Variants in FAM163A observed in about 807,000 individuals in gnomAD.
FAM163A encodes protein FAM163A.
A neutral mutation model predicts 12.0 loss-of-function variants in FAM163A; 7 were observed. The ratio of observed to expected loss-of-function variants is 0.58; its 90% CI spans 0.33 to 1.10. The LOEUF (loss-of-function observed/expected upper bound fraction) is 1.10, where lower values mean the gene tolerates loss of function less well. Ranked by LOEUF, FAM163A falls within the 50% of genes least tolerant of loss-of-function variation. The pLI is 0.03. For synonymous variants in FAM163A, 101 were observed against 91.0 expected (o/e 1.11, Z -0.62); for missense variants, 202 against 218.6 (o/e 0.92, Z 0.48).
At position 179,814,284 on chromosome 1, in the gene FAM163A, GTTTC is replaced by G; in HGVS notation, c.*97_*100del. On this transcript the variant is annotated 3_prime_UTR_variant, in exon 5 of 5. Transcript: ENST00000341785. ...ACCCTCCAACAGCCCCACATGGGTTGTTTCTGTTTCTTTGGCTTTTCTCGCTCCG... is the reference window on the plus strand; with the variant it reads ...ACCCTCCAACAGCCCCACATGGGTTGTGTTTCTTTGGCTTTTCTCGCTCCG... 1 of 1,459,520 alleles carries G rather than the reference GTTTC, an allele frequency of 6.9e-7. No homozygotes were observed. The highest frequency in any genetic ancestry group is 2.3e-5 in the Admixed American group (1 of 42,804). 90.4% of individuals were successfully genotyped at this position (1,459,520 alleles called of 1,614,324 possible).
At chr1:179,778,633 C>A (rs1689303740) in intron 1 of FAM163A, among the ~76,000 whole-genome samples, 1 of 152,096 alleles carries the variant, frequency 6.6e-6, no homozygotes, top group South Asian at 2.1e-4. Flanking sequence ...TAGTAGCATT[C>A]CAAGCAAGGG....
the FAM163A span, among the ~76,000 whole-genome samples, chr1:179,735,545 C>T: frequency 3.2e-5 from 4 of 123,472 alleles, no homozygotes; most frequent in Non-Finnish European, 6.3e-5. Context: ...GTTGTGTCGC[C>T]CAGGCTGGAG....
At chr1:179,805,603 G>A (rs73041607) in intron 1 of FAM163A, among the ~76,000 whole-genome samples, 4,364 of 151,438 alleles carry the variant, frequency 0.029, 230 homozygotes, top group African/African-American at 0.1. Context: ...TACTCTGACC[G>A]CATTGTTTTT....
At chr1:179,780,476 C>T (rs937369749) in intron 1 of FAM163A, among the ~76,000 whole-genome samples, 10 of 152,214 alleles carry the variant, frequency 6.6e-5, no homozygotes, top group African/African-American at 2.2e-4. Flanking sequence ...AACGCATAAG[C>T]TCGGTGATCG....
chr1:179,741,404 A>G (rs1683620855), upstream of FAM163A, among the ~76,000 whole-genome samples: 1 of 152,246 alleles, frequency 6.6e-6, no homozygotes, highest in Admixed American at 6.5e-5. Context: ...ATATATGCAT[A>G]CCCTATAGTC....
upstream of FAM163A, among the ~76,000 whole-genome samples, chr1:179,740,948 T>C (rs1447882249): frequency 6.6e-6 from 1 of 152,096 alleles, no homozygotes; most frequent in African/African-American, 2.4e-5. Context: ...TGCCTACAAA[T>C]CTACAATTAT....
chr1:179,736,195 G>T, the FAM163A span, among the ~76,000 whole-genome samples: 2 of 152,106 alleles, frequency 1.3e-5, no homozygotes, highest in South Asian at 4.1e-4. Context: ...TACATTAAAC[G>T]AAAAAGCTTC....
intron 1 of FAM163A, among the ~76,000 whole-genome samples, chr1:179,767,358 C>G (rs142500297): frequency 5.8e-4 from 89 of 152,218 alleles, no homozygotes; most frequent in African/African-American, 1.8e-3. Context: ...AGACCGAGTG[C>G]CCTGGGAAGA....
intron 1 of FAM163A, among the ~76,000 whole-genome samples, chr1:179,769,803 A>G (rs990899648): frequency 6.6e-6 from 1 of 152,112 alleles, no homozygotes; most frequent in African/African-American, 2.4e-5. Context: ...GGCAGTCACC[A>G]GCTTTCTTAC....
intron 1 of FAM163A, among the ~76,000 whole-genome samples, chr1:179,796,576 A>G (rs2148285015): frequency 6.6e-6 from 1 of 152,250 alleles, no homozygotes; most frequent in East Asian, 1.9e-4. Context: ...GTTCTCCAGG[A>G]TGCTTCTCAC....
At chr1:179,793,141 C>T (rs1691767559) in intron 1 of FAM163A, among the ~76,000 whole-genome samples, 1 of 152,144 alleles carries the variant, frequency 6.6e-6, no homozygotes, top group Non-Finnish European at 1.5e-5. Context: ...CCCATCCTTT[C>T]TCTGACAACT....
chr1:179,756,220 TACAG>T (rs1412290190), intron 1 of FAM163A, among the ~76,000 whole-genome samples: 5 of 152,166 alleles, frequency 3.3e-5, no homozygotes, highest in Non-Finnish European at 4.4e-5. Flanking sequence ...TAGGGTTGAG[TACAG>T]ACAGTCAGGA....
At chr1:179,746,121 G>A (rs997219985) in intron 1 of FAM163A, among the ~76,000 whole-genome samples, 1 of 152,220 alleles carries the variant, frequency 6.6e-6, no homozygotes, top group Non-Finnish European at 1.5e-5. Context: ...AACCGTTGAT[G>A]AGGTTGTAGA....
chr1:179,729,951 G>A, the FAM163A span, among the ~76,000 whole-genome samples: 1 of 152,210 alleles, frequency 6.6e-6, no homozygotes, highest in Non-Finnish European at 1.5e-5. Flanking sequence ...CTGCACTTGT[G>A]CTTTTAATCC....
At chr1:179,764,546 A>G (rs1453264001) in intron 1 of FAM163A, among the ~76,000 whole-genome samples, 1 of 152,192 alleles carries the variant, frequency 6.6e-6, no homozygotes. Context: ...TAGATGAGGT[A>G]TTGATAGGGT....
intron 1 of FAM163A, among the ~76,000 whole-genome samples, chr1:179,763,735 G>T (rs1356375165): frequency 1.3e-5 from 2 of 152,208 alleles, no homozygotes; most frequent in East Asian, 3.8e-4. Context: ...GTTATAGCAA[G>T]TCCCATTTTA....
chr1:179,779,106 T>C (rs976677089), intron 1 of FAM163A, among the ~76,000 whole-genome samples: 2 of 152,226 alleles, frequency 1.3e-5, no homozygotes, highest in African/African-American at 4.8e-5. Context: ...CAAAAAATGA[T>C]GGAAAATATT....
chr1:179,783,742 A>ATAT (rs1266648809), intron 1 of FAM163A, among the ~76,000 whole-genome samples: 1,030 of 63,468 alleles, frequency 0.016, 97 homozygotes, highest in African/African-American at 0.064. Flanking sequence ...AATTGAGCCC[A>ATAT]AATATTATAT....
chr1:179,800,600 C>G (rs969904661), intron 1 of FAM163A, among the ~76,000 whole-genome samples: 2 of 152,328 alleles, frequency 1.3e-5, no homozygotes, highest in African/African-American at 4.8e-5. Context: ...AACCAGAGGA[C>G]AGGCCATGTT....
Sources: gnomAD v4.1 joint callset for allele counts (sites outside exome capture counted in the v4.1 genomes callset) on GRCh38, gnomAD v4.1.1 for gene constraint, MANE v1.5 for transcripts, NCBI Gene and HGNC (gene_info 2026-07-23, HGNC 2026-07-21) for gene names.